Variants in FGGY observed in about 807,000 individuals in gnomAD.
The protein encoded by FGGY is FGGY carbohydrate kinase domain-containing protein.
FGGY carries 72 observed loss-of-function variants against 71.3 expected under a neutral mutation model. That is an observed-to-expected ratio of 1.01 (90% CI 0.84 to 1.23). The LOEUF is 1.23. Ranked by LOEUF, FGGY falls within the 50% of genes most tolerant of loss-of-function variation. FGGY has a pLI of 0.00. For missense variants in FGGY, 668 were observed against 682.3 expected (o/e 0.98, Z 0.23); for synonymous variants, 251 against 250.3 (o/e 1.00, Z -0.02).
chr1:59,366,289 C>T (rs1363218270), intron 4 of FGGY, among the ~76,000 whole-genome samples: 1 of 152,076 alleles, frequency 6.6e-6, no homozygotes. Context: ...ATGATGTTAC[C>T]GTTAAACAAG....
At chr1:59,466,656 C>G (rs1233365186) in intron 6 of FGGY, among the ~76,000 whole-genome samples, 1 of 152,138 alleles carries the variant, frequency 6.6e-6, no homozygotes, top group African/African-American at 2.4e-5. Flanking sequence ...AACAACTTTA[C>G]AAGAAAAAAT....
At chr1:59,425,756 C>G (rs2066255009) in intron 5 of FGGY, among the ~76,000 whole-genome samples, 1 of 152,278 alleles carries the variant, frequency 6.6e-6, no homozygotes, top group South Asian at 2.1e-4. Context: ...ATGTCAAGTT[C>G]TTTTCTGGCC....
chr1:59,363,789 A>C (rs1053749978), intron 4 of FGGY, among the ~76,000 whole-genome samples: 7 of 152,180 alleles, frequency 4.6e-5, no homozygotes, highest in African/African-American at 1.7e-4. Flanking sequence ...CCCGTGACAA[A>C]ACATGCAATT....
At chr1:59,446,043 C>T (rs1037093383) in intron 5 of FGGY, among the ~76,000 whole-genome samples, 1 of 152,148 alleles carries the variant, frequency 6.6e-6, no homozygotes, top group Non-Finnish European at 1.5e-5. Context: ...TATTCAGTAA[C>T]CCACATAAAA....
chr1:59,503,660 T>C (rs2094299808), intron 6 of FGGY, among the ~76,000 whole-genome samples: 1 of 147,032 alleles, frequency 6.8e-6, no homozygotes, highest in African/African-American at 2.5e-5. Context: ...ATGATATAGA[T>C]ATAATTAAAT....
At chr1:59,479,990 G>A (rs1420119065) in intron 6 of FGGY, among the ~76,000 whole-genome samples, 3 of 152,056 alleles carry the variant, frequency 2.0e-5, no homozygotes, top group Non-Finnish European at 2.9e-5. Flanking sequence ...TCAGTCTTAG[G>A]CTCCAAATAC....
At chr1:59,576,613 A>G (rs1007825029) in intron 8 of FGGY, among the ~76,000 whole-genome samples, 6 of 151,990 alleles carry the variant, frequency 3.9e-5, no homozygotes, top group Admixed American at 2.6e-4. Context: ...GAGGGAATGT[A>G]TATAAAATTT....
At chr1:59,589,087 G>A (rs1426909701) in intron 8 of FGGY, among the ~76,000 whole-genome samples, 2 of 152,134 alleles carry the variant, frequency 1.3e-5, no homozygotes, top group Non-Finnish European at 2.9e-5. Context: ...ATAAAAGGAT[G>A]GAGGAAGATC....
chr1:59,416,413 G>A (rs2064433787), intron 5 of FGGY, among the ~76,000 whole-genome samples: 1 of 152,098 alleles, frequency 6.6e-6, no homozygotes, highest in African/African-American at 2.4e-5. Context: ...AAGTTTGAGA[G>A]TGATTTATGA....
rs200042426 is a variant in FGGY, at chr1:59,448,147, GT to G, written c.555-8809del. Among the ~76,000 whole-genome samples, 1,123 of 152,128 alleles carry G rather than the reference GT, an allele frequency of 7.4e-3. 12 individuals are homozygous for G. The highest frequency in any genetic ancestry group is 0.025 in the African/African-American group (1,047 of 41,462). On this transcript the variant is annotated intron_variant, in intron 5 of 15. Transcript: ENST00000303721. ...TACCAAGAGAGTTACTACTACCATG[GT>G]TTTTGGCTTTTAGATTTTCGATGCT...
Position 59,641,822 on chromosome 1 carries a change from G to T in FGGY, c.1221+3447G>T, listed in dbSNP as rs551404555. On this transcript the variant is annotated intron_variant, in intron 11 of 15. Coordinates refer to ENST00000303721, the MANE Select transcript of FGGY (RefSeq NM_018291.5). ...ATATGACATAAGAACAAAGTCATGT[G>T]TGATCCACTGTGGAAACAGTTTGGA... Among the ~76,000 whole-genome samples, 10 of 152,306 alleles carry T rather than the reference G, an allele frequency of 6.6e-5. No individual in the cohort carries two copies. In the South Asian group the frequency reaches 2.1e-3, roughly 32 times the overall value.
chr1:59,595,933 A>C (rs535344496), intron 8 of FGGY, among the ~76,000 whole-genome samples: 2 of 152,284 alleles, frequency 1.3e-5, no homozygotes, highest in Admixed American at 1.3e-4. Flanking sequence ...TCATAACAAA[A>C]GCTGCCTCCT....
intron 13 of FGGY, among the ~76,000 whole-genome samples, chr1:59,672,116 ATTC>A (rs1269793965): frequency 6.6e-6 from 1 of 152,120 alleles, no homozygotes. Flanking sequence ...CATTCCTAGG[ATTC>A]TTCAACGGCT....
chr1:59,747,352 T>C (rs77731861), intron 14 of FGGY, among the ~76,000 whole-genome samples: 7 of 152,214 alleles, frequency 4.6e-5, no homozygotes, highest in African/African-American at 1.4e-4. Flanking sequence ...ACAACAGAGG[T>C]TGATGGCCTT....
rs11347068 is a variant in FGGY at position 59,741,938 on chromosome 1, C to CA, written c.1513-15974dup. Among the ~76,000 whole-genome samples, 491 of 85,092 alleles carry CA rather than the reference C, an allele frequency of 5.8e-3. 6 individuals carry two copies. The highest frequency in any genetic ancestry group is 0.042 in the East Asian group (123 of 2,960). 55.8% of individuals were successfully genotyped at this position (85,092 alleles called of 152,430 possible). A position where few individuals can be genotyped will look rare whatever the true frequency, so the allele number is the denominator to read the frequency against. On this transcript the variant is annotated intron_variant, in intron 14 of 15. Transcript: ENST00000303721. ...TGGGTGACAGAGTGAGACTCCATCT[C>CA]AAAAAAAAAAAAAAAAAAAGCCAGT...
chr1:59,650,730 T>A (rs930038087), intron 11 of FGGY, among the ~76,000 whole-genome samples: 32 of 134,120 alleles, frequency 2.4e-4, no homozygotes, highest in Non-Finnish European at 4.7e-4. Flanking sequence ...TTTTGAAGGG[T>A]TTTTTGTGTC....
chr1:59,489,763 T>G, intron 6 of FGGY, among the ~76,000 whole-genome samples: 1 of 152,184 alleles, frequency 6.6e-6, no homozygotes, highest in East Asian at 1.9e-4. Context: ...ATATATTAGT[T>G]CTGTTTGTAG....
At chr1:59,702,952 C>T (rs2097722042) in intron 14 of FGGY, among the ~76,000 whole-genome samples, 1 of 152,118 alleles carries the variant, frequency 6.6e-6, no homozygotes, top group South Asian at 2.1e-4. Context: ...TGTTAACCAC[C>T]TATGTTGGAC....
chr1:59,317,969 C>T (rs965880143), intron 1 of FGGY, among the ~76,000 whole-genome samples: 5 of 152,138 alleles, frequency 3.3e-5, no homozygotes, highest in Non-Finnish European at 7.4e-5. Context: ...TCTGAGTCAG[C>T]CAACCTTAGG....
Sources: gnomAD v4.1 joint callset for allele counts (sites outside exome capture counted in the v4.1 genomes callset) on GRCh38, gnomAD v4.1.1 for gene constraint, MANE v1.5 for transcripts, NCBI Gene and HGNC (gene_info 2026-07-23, HGNC 2026-07-21) for gene names.